SLC4A10: variants seen among roughly 807,000 people sequenced by gnomAD.
SLC4A10 encodes the protein sodium-driven chloride bicarbonate exchanger.
In SLC4A10, 42 loss-of-function variants were observed where a neutral mutation model predicts 137.7. The ratio of observed to expected loss-of-function variants is 0.30; its 90% CI spans 0.24 to 0.39. The LOEUF is 0.39. SLC4A10 is among the 10% of genes least tolerant of loss of function. The pLI, the probability that SLC4A10 is intolerant of heterozygous loss-of-function variation, is 1.00. For missense variants in SLC4A10, 925 were observed against 1,355.0 expected, an observed-to-expected ratio of 0.68 and a Z score of 4.98; for synonymous variants, 474 against 464.1, an observed-to-expected ratio of 1.02 and a Z score of -0.27.
intron 4 of SLC4A10, among the ~76,000 whole-genome samples, chr2:161,841,380 A>G (rs2059172046): frequency 6.6e-6 from 1 of 152,104 alleles, no homozygotes; most frequent in Non-Finnish European, 1.5e-5. Context: ...GCCCCTGCTG[A>G]CACAGGTTTT....
At chr2:161,735,302 A>C (rs907039633) in intron 1 of SLC4A10, among the ~76,000 whole-genome samples, 31 of 151,674 alleles carry the variant, frequency 2.0e-4, no homozygotes, top group Middle Eastern at 3.4e-3. Flanking sequence ...ACATATTAAA[A>C]AATTCTTTTT....
intron 23 of SLC4A10, among the ~76,000 whole-genome samples, chr2:161,965,666 T>A (rs74327674): frequency 6.6e-6 from 1 of 152,314 alleles, no homozygotes; most frequent in African/African-American, 2.4e-5. Flanking sequence ...AAAATGTTGA[T>A]CTGATTTGCT....
chr2:161,867,984 G>A (rs946317231), intron 6 of SLC4A10, among the ~76,000 whole-genome samples: 6 of 151,860 alleles, frequency 4.0e-5, no homozygotes, highest in Non-Finnish European at 8.8e-5. Flanking sequence ...TAATAGTAAT[G>A]TACCTCCATG....
intron 3 of SLC4A10, among the ~76,000 whole-genome samples, chr2:161,832,820 A>T (rs1203913498): frequency 6.6e-6 from 1 of 152,152 alleles, no homozygotes; most frequent in Non-Finnish European, 1.5e-5. Context: ...AGCTTACTGC[A>T]AGCTCCGCCT....
At chr2:161,747,205 G>A (rs1273097550) in intron 1 of SLC4A10, among the ~76,000 whole-genome samples, 4 of 152,124 alleles carry the variant, frequency 2.6e-5, no homozygotes, top group Non-Finnish European at 5.9e-5. Flanking sequence ...TTAGCCCACA[G>A]TGGTGGGGCT....
At position 161,983,891 on chromosome 2, in the gene SLC4A10, T is replaced by A. The variant is rs931629118; in HGVS notation, c.*739T>A. ...ATTTGCTTAAAATTCAAGTTGTGAC[T>A]AATGATCAAATACTAGGCTTGTACG... On this transcript the variant is annotated 3_prime_UTR_variant, in exon 27 of 27. Transcript: ENST00000446997. 6.6e-6 allele frequency: 1 copy of A among 152,238 alleles called. No individual in the cohort carries two copies. Among genetic ancestry groups the A allele is most frequent in the Non-Finnish European group, 1.5e-5 (1 of 68,044 alleles). 9.4% of individuals were successfully genotyped at this position (152,238 alleles called of 1,614,324 possible).
At chr2:161,875,304 C>G (rs925730029) in intron 8 of SLC4A10, among the ~76,000 whole-genome samples, 4 of 152,120 alleles carry the variant, frequency 2.6e-5, no homozygotes, top group African/African-American at 9.7e-5. Context: ...CACCTAGTCT[C>G]CAGGTTAGTT....
chr2:161,709,653 A>G (rs2044071112), intron 1 of SLC4A10: 1 of 151,518 alleles, frequency 6.6e-6, no homozygotes, highest in Admixed American at 6.6e-5. Context: ...TTAAACATGC[A>G]AATGATTTGG....
intron 1 of SLC4A10, among the ~76,000 whole-genome samples, chr2:161,666,760 C>G (rs2039091575): frequency 6.6e-6 from 1 of 151,594 alleles, no homozygotes; most frequent in African/African-American, 2.4e-5. Context: ...TTCCAGAAGT[C>G]TATTGAAATG....
At chr2:161,931,010 C>G (rs1690281042) in intron 15 of SLC4A10, among the ~76,000 whole-genome samples, 1 of 152,150 alleles carries the variant, frequency 6.6e-6, no homozygotes. Context: ...TGGCTCACTG[C>G]AACCTCTGCT....
At position 161,810,985 on chromosome 2, in the gene SLC4A10, C is replaced by T. The variant is rs73021509; in HGVS notation, c.277+6390C>T. Among the ~76,000 whole-genome samples the T allele has an allele frequency of 6.5e-3, 994 of 152,038 alleles. 12 individuals are homozygous for T. Among genetic ancestry groups the T allele is most frequent in the African/African-American group, 0.023 (937 of 41,506 alleles). On this transcript the variant is annotated intron_variant, in intron 3 of 26. Transcript: ENST00000446997. ...CTCTAGTAGAATTCAGCTGTGAATCCGCCTGGTTCAGGGCTTTTTTTGGTT... is the reference window on the plus strand; with the variant it reads ...CTCTAGTAGAATTCAGCTGTGAATCTGCCTGGTTCAGGGCTTTTTTTGGTT...
intron 2 of SLC4A10, among the ~76,000 whole-genome samples, chr2:161,791,988 G>A (rs1012097298): frequency 1.3e-5 from 2 of 151,988 alleles, no homozygotes; most frequent in Non-Finnish European, 2.9e-5. Flanking sequence ...ATAATTTGGG[G>A]GTCCTGGTTA....
intron 1 of SLC4A10, among the ~76,000 whole-genome samples, chr2:161,721,151 G>A (rs1296219371): frequency 1.3e-5 from 2 of 152,152 alleles, no homozygotes; most frequent in Non-Finnish European, 2.9e-5. Flanking sequence ...ACCATTCTGT[G>A]TCTTTTGATT....
chr2:161,981,853 G>T (rs558690797), intron 26 of SLC4A10, among the ~76,000 whole-genome samples: 1 of 152,258 alleles, frequency 6.6e-6, no homozygotes, highest in South Asian at 2.1e-4. Context: ...CCATAGACAC[G>T]CGCTCACACC....
At chr2:161,971,347 G>A (rs940668222) in intron 23 of SLC4A10, among the ~76,000 whole-genome samples, 3 of 151,776 alleles carry the variant, frequency 2.0e-5, no homozygotes, top group Non-Finnish European at 2.9e-5. Flanking sequence ...TTAAAAGGTG[G>A]CATTTAAATC....
Position 161,904,659 on chromosome 2 carries a change from C to G in SLC4A10, c.1618-117C>G, listed in dbSNP as rs1358182567. The G allele has an allele frequency of 2.3e-6, 3 of 1,317,094 alleles. No individual in the cohort carries two copies. In the Admixed American group the frequency reaches 6.7e-5, roughly 30 times the overall value. The allele number at this position is 1,317,094 out of a possible 1,614,324, so 81.6% of individuals were successfully genotyped here. A position where few individuals can be genotyped will look rare whatever the true frequency, so the allele number is the denominator to read the frequency against. On this transcript the variant is annotated intron_variant, in intron 13 of 26. Transcript: ENST00000446997. ...CTACCCCACGTCTTGCCCAGGGTTG[C>G]TAGACTTTTCAGGGTGAAGCACAAA...
At chr2:161,960,449 G>A (rs1696484489) in intron 21 of SLC4A10, among the ~76,000 whole-genome samples, 1 of 151,432 alleles carries the variant, frequency 6.6e-6, no homozygotes, top group Non-Finnish European at 1.5e-5. Flanking sequence ...ATGTAGGAAG[G>A]CCAGGCACGG....
intron 1 of SLC4A10, among the ~76,000 whole-genome samples, chr2:161,736,534 G>A (rs1226587185): frequency 6.6e-6 from 1 of 152,122 alleles, no homozygotes; most frequent in Non-Finnish European, 1.5e-5. Flanking sequence ...GGAAACAAAT[G>A]CATCCTTCTT....
At chr2:161,796,947 A>G (rs1274884904) in intron 2 of SLC4A10, among the ~76,000 whole-genome samples, 1 of 151,976 alleles carries the variant, frequency 6.6e-6, no homozygotes, top group Non-Finnish European at 1.5e-5. Flanking sequence ...CTCCTAACCT[A>G]TTTCCCTGAA....
Sources: gnomAD v4.1 joint callset for allele counts (sites outside exome capture counted in the v4.1 genomes callset) on GRCh38, gnomAD v4.1.1 for gene constraint, MANE v1.5 for transcripts, NCBI Gene and HGNC (gene_info 2026-07-23, HGNC 2026-07-21) for gene names.